Variants in GON4L observed in about 807,000 individuals in gnomAD.
GON4L encodes gon-4 like.
GON4L carries 87 observed loss-of-function variants against 211.8 expected under a neutral mutation model. The observed-to-expected ratio is 0.41, with a 90% CI of 0.35 to 0.49. The LOEUF (loss-of-function observed/expected upper bound fraction) is 0.49, where lower values mean the gene tolerates loss of function less well. GON4L is among the 20% of genes least tolerant of loss of function. The pLI is 0.15. For synonymous variants in GON4L, 875 were observed against 962.6 expected (o/e 0.91, Z 1.68); for missense variants, 2,155 against 2,659.5 (o/e 0.81, Z 4.17).
intron 12 of GON4L, 110 bp downstream of exon 12, chr1:155,794,940 A>G: frequency 2.7e-6 from 2 of 737,238 alleles, no homozygotes; most frequent in Non-Finnish European, 5.0e-6. Flanking sequence ...AAGGAAACCT[A>G]AATGTCTTAA....
chr1:155,807,488 C>T (rs1006190317), intron 10 of GON4L, among the ~76,000 whole-genome samples: 2 of 151,868 alleles, frequency 1.3e-5, no homozygotes, highest in East Asian at 1.9e-4. Context: ...GGGCGGATCA[C>T]GAGGTCAGAA....
rs1038240557 is a variant in GON4L, at chr1:155,814,377, A to G, written c.1234T>C (p.Ser412Pro). 6.2e-7 allele frequency: 1 copy of G among 1,613,358 alleles called. No individual in the cohort carries two copies. The highest frequency in any genetic ancestry group is 1.1e-5 in the South Asian group (1 of 91,076). ...RGAKKSRLRQ[S>P]SEMTETDEES... ...TCATCTGTTTCAGTCATCTCAGAAG[A>G]CTGCCTCAATCTGGATTTCTTTGCC... Residue 412 changes from serine to proline, a missense_variant, in exon 9 of 32, where the codon TCT becomes CCT. Physicochemically the swap from Ser to Pro is moderately conservative, Grantham distance 74. This residue lies in a region of GON4L where 551 missense variants were observed against 854.0 expected (regional missense o/e 0.65). Transcript: ENST00000368331.
chr1:155,818,786 G>T (rs563810070), intron 6 of GON4L, among the ~76,000 whole-genome samples: 1 of 150,564 alleles, frequency 6.6e-6, no homozygotes, highest in South Asian at 2.1e-4. Flanking sequence ...GCGATCACAT[G>T]GGTCAATTGG....
At chr1:155,840,823 G>A (rs1298270489) in intron 2 of GON4L, among the ~76,000 whole-genome samples, 6 of 152,096 alleles carry the variant, frequency 3.9e-5, no homozygotes, top group Admixed American at 2.6e-4. Flanking sequence ...ACCTGAGGTC[G>A]GGAGTTCAAG....
At chr1:155,773,349 CA>C (rs1402359156) in intron 17 of GON4L, 139 bp from the exon 18 acceptor site, 5 of 875,660 alleles carry the variant, frequency 5.7e-6, no homozygotes, top group Non-Finnish European at 8.8e-6. Context: ...ACCATCCCCC[CA>C]AAAGTTTCCA....
intron 18 of GON4L, among the ~76,000 whole-genome samples, chr1:155,772,477 G>A (rs1345500320): frequency 6.6e-6 from 1 of 151,888 alleles, no homozygotes; most frequent in Non-Finnish European, 1.5e-5. Context: ...AATCTGGTGG[G>A]TGTGGTGGCT....
intron 9 of GON4L, among the ~76,000 whole-genome samples, 192 bp downstream of exon 9, chr1:155,814,138 C>T (rs952008448): frequency 6.6e-6 from 1 of 152,092 alleles, no homozygotes; most frequent in Non-Finnish European, 1.5e-5. Context: ...ATTTTTGGCC[C>T]CTTAATGAGA....
rs757814786 is a variant in GON4L at position 155,785,287 on chromosome 1, A to G, written c.1788+47T>C. On this transcript the variant is annotated intron_variant, in intron 13 of 31. Transcript: ENST00000368331. ...GAGACCAAATGACACATCTTGCTGG[A>G]GAACTGACTTAAAATCCCGTGTTCT... The G allele has an allele frequency of 2.5e-6, 3 of 1,209,690 alleles. No individual in the cohort carries two copies. The African/African-American group carries it at 4.4e-5, about 18-fold the overall frequency. The allele number at this position is 1,209,690 out of a possible 1,614,324, so 74.9% of individuals were successfully genotyped here.
intron 29 of GON4L, 65 bp from the exon 30 acceptor site, chr1:155,752,655 T>C: frequency 6.5e-7 from 1 of 1,549,322 alleles, no homozygotes; most frequent in Non-Finnish European, 8.7e-7. Context: ...CACGAGAAAT[T>C]ACCTGTGGCC....
rs145360103 is a variant in GON4L at position 155,811,754 on chromosome 1, C to CAAAAAAAAA, written c.1452+1871_1452+1879dup. On this transcript the variant is annotated intron_variant, in intron 10 of 31. Transcript: ENST00000368331. ...CTGGGAGACAGGCAAGACTCTGTCT[C>CAAAAAAAAA]AAAAAAAAAAAAAAAAAAAAAAAAA... 4.1e-3 allele frequency among the ~76,000 whole-genome samples: 137 copies of CAAAAAAAAA among 33,014 alleles called. 7 individuals are homozygous for CAAAAAAAAA. The highest frequency in any genetic ancestry group is 7.8e-3 in the African/African-American group (53 of 6,818). The allele number at this position is 33,014 out of a possible 152,430, so 21.7% of individuals were successfully genotyped here.
chr1:155,842,400 T>A (rs1162622121), intron 2 of GON4L, among the ~76,000 whole-genome samples: 1 of 151,584 alleles, frequency 6.6e-6, no homozygotes, highest in East Asian at 1.9e-4. Context: ...GGCAGGCACC[T>A]GTAGTCCCAG....
chr1:155,783,196 T>G (rs1402367843), intron 14 of GON4L, among the ~76,000 whole-genome samples: 1 of 152,194 alleles, frequency 6.6e-6, no homozygotes, highest in Non-Finnish European at 1.5e-5. Context: ...GTATTTCTAG[T>G]TTTTAGACAT....
rs758546571 is a variant in GON4L, at chr1:155,766,447, C to G, written c.3026G>C (p.Ser1009Thr). 8 of 1,613,864 alleles carry G rather than the reference C, an allele frequency of 5.0e-6. No individual in the cohort carries two copies. In the African/African-American group the frequency reaches 9.4e-5, roughly 19 times the overall value. ...SVLKPLLIQP[S>T]PSLQPSFNPG... ...GTTGAAGCTGGGCTGGAGAGAGGGG[C>G]TGGGTTGGATAAGGAGGGGCTTCAG... is the stretch of plus-strand genomic sequence containing the variant. Residue 1009 changes from serine (S) to threonine (T), a missense_variant, in exon 21 of 32, where the codon AGC (serine) becomes ACC (threonine). Coordinates refer to ENST00000368331, the MANE Select transcript of GON4L (RefSeq NM_001282860.2).
intron 2 of GON4L, chr1:155,845,640 T>C (rs779727094): frequency 1.8e-5 from 6 of 332,388 alleles, no homozygotes; most frequent in South Asian, 5.8e-5. Context: ...AGGGAAAGAA[T>C]AGTTGAGTGG....
At chr1:155,777,911 C>T in intron 14 of GON4L, 91 bp from the exon 15 acceptor site, 1 of 797,226 alleles carries the variant, frequency 1.3e-6, no homozygotes, top group Non-Finnish European at 2.2e-6. Context: ...AGAGCCTGAA[C>T]AATTTTCATT....
At chr1:155,800,606 CA>C in intron 11 of GON4L, among the ~76,000 whole-genome samples, 1 of 152,128 alleles carries the variant, frequency 6.6e-6, no homozygotes, top group East Asian at 1.9e-4. Flanking sequence ...GTAATCCCAG[CA>C]CTTTGGGAGG....
chr1:155,853,364 C>G lies in GON4L; in HGVS notation c.417G>C (p.Gly139=). 6.2e-7 allele frequency: 1 copy of G among 1,614,100 alleles called. No homozygotes were observed. The highest frequency in any genetic ancestry group is 8.5e-7 in the Non-Finnish European group (1 of 1,179,950). The change falls in exon 2 of 32, where the codon GGG becomes GGC. Residue 139 remains glycine, a synonymous_variant. Coordinates refer to ENST00000368331, the MANE Select transcript of GON4L (RefSeq NM_001282860.2). ...KRGKKMTLRP[G]PVTQEDRCDH... is the part of the protein sequence containing the mutation. ...CACATCTGTCTTCTTGGGTAACTGGCCCAGGCCTGAGTGTCATTTTTTTCC... is the reference window on the plus strand; with the variant it reads ...CACATCTGTCTTCTTGGGTAACTGGGCCAGGCCTGAGTGTCATTTTTTTCC...
Position 155,813,683 on chromosome 1 carries a change from G to C in GON4L, c.1403C>G (p.Ala468Gly). Residue 468 changes from alanine to glycine, a missense_variant, in exon 10 of 32, where the codon GCG becomes GGG. By Grantham distance (60) the Ala-to-Gly change is moderately conservative. Around this residue, in one of 6 missense-constraint regions of GON4L, gnomAD observed 551 missense variants for 854.0 expected, o/e 0.65. Coordinates refer to ENST00000368331, the MANE Select transcript of GON4L (RefSeq NM_001282860.2). The stretch of plus-strand genomic sequence containing the variant: ...ACTGGAAGCCAGCTCCTCATCTACC[G>C]CATGTAACTTCTCCATGAAAGTACT... ...RDSTFMEKLH[A>G]VDEELASSPV... 1 of 1,613,400 alleles carries C rather than the reference G, an allele frequency of 6.2e-7. No homozygotes were observed. The highest frequency in any genetic ancestry group is 1.1e-5 in the South Asian group (1 of 91,072).
intron 2 of GON4L, chr1:155,833,037 G>A (rs189232857): frequency 6.7e-6 from 1 of 149,354 alleles, no homozygotes. Flanking sequence ...GCTATTACTT[G>A]TATATACAAC....
Sources: gnomAD v4.1 joint callset for allele counts (sites outside exome capture counted in the v4.1 genomes callset) on GRCh38, gnomAD v4.1.1 for gene constraint, gnomAD v4.1.1 regional missense constraint, MANE v1.5 for transcripts, NCBI Gene and HGNC (gene_info 2026-07-23, HGNC 2026-07-21) for gene names.